The following CBFA2T2 variants were observed in gnomAD, a reference collection of about 807,000 sequenced individuals.
CBFA2T2 encodes CBFA2/RUNX1 partner transcriptional co-repressor 2.
CBFA2T2 carries 11 observed loss-of-function variants against 62.2 expected under a neutral mutation model. The ratio of observed to expected loss-of-function variants is 0.18; its 90% CI spans 0.11 to 0.29. CBFA2T2 has a LOEUF of 0.29. CBFA2T2 is among the 10% of genes least tolerant of loss of function. The probability of loss-of-function intolerance (pLI) is 1.00; values close to 1 mark genes in which losing one functional copy is unlikely to be tolerated. For missense variants in CBFA2T2, 592 were observed against 774.1 expected (o/e 0.76, Z 2.79); for synonymous variants, 295 against 287.5 (o/e 1.03, Z -0.27).
chr20:33,623,319 C>T lies in CBFA2T2; in HGVS notation c.692+23C>T, dbSNP rs201083985. On this transcript the variant is annotated intron_variant, in intron 5 of 10. Coordinates refer to ENST00000342704, the MANE Select transcript of CBFA2T2 (RefSeq NM_001032999.3). Reference sequence around the variant, plus strand: ...GAGGTGAGCAGATGAGCTTTGCTGTCCTTGCCTTCCTGGAACCGCACTGGT... The same window carrying T: ...GAGGTGAGCAGATGAGCTTTGCTGTTCTTGCCTTCCTGGAACCGCACTGGT... The T allele has an allele frequency of 3.0e-5, 49 of 1,613,286 alleles. No homozygotes were observed. In the South Asian group the frequency reaches 5.3e-4, roughly 17 times the overall value.
chr20:33,495,469 C>T (rs1452054000), intron 1 of CBFA2T2, among the ~76,000 whole-genome samples: 5 of 150,398 alleles, frequency 3.3e-5, no homozygotes, highest in South Asian at 4.2e-4. Context: ...GGGCGGATCA[C>T]GAGGTCAGGA....
intron 1 of CBFA2T2, among the ~76,000 whole-genome samples, chr20:33,567,046 G>A (rs1266934039): frequency 6.6e-6 from 1 of 152,232 alleles, no homozygotes; most frequent in Non-Finnish European, 1.5e-5. Context: ...AAAGGAATTA[G>A]TGGTGGTTGT....
At position 33,606,999 on chromosome 20, in the gene CBFA2T2, G is replaced by A. The variant is rs2015365265; in HGVS notation, c.78G>A (p.Val26=). The change falls in exon 2 of 11, where the codon GTG becomes GTA. Residue 26 remains valine (V), a synonymous_variant. Transcript: ENST00000342704. ...KRVPAMPGSP[V]EVKIQSRSSP... ...TGCCAGCGATGCCTGGATCGCCTGT[G>A]GAAGTGAAGATACAGTCCAGATCCT... is the stretch of plus-strand genomic sequence containing the variant. The A allele has an allele frequency of 6.2e-7, 1 of 1,613,748 alleles. No individual in the cohort carries two copies. The highest frequency in any genetic ancestry group is 1.7e-5 in the Admixed American group (1 of 59,970).
In CBFA2T2 at chr20:33,604,044, C is replaced by T. The variant is rs145461906; in HGVS notation, c.35-2912C>T. Among the ~76,000 whole-genome samples, 154 of 152,270 alleles carry T rather than the reference C, an allele frequency of 1.0e-3. 1 individual carries two copies. In the East Asian group the frequency reaches 0.023, roughly 23 times the overall value. ...AAGGGCATTCATGCCACCCAGCTTC[C>T]ATCAAAAATGCCACTTTACATTGTG... On this transcript the variant is annotated intron_variant, in intron 1 of 10. Transcript: ENST00000342704.
At chr20:33,619,459 C>A in intron 3 of CBFA2T2, 58 bp from the exon 4 acceptor site, 1 of 822,430 alleles carries the variant, frequency 1.2e-6, no homozygotes, top group Non-Finnish European at 1.9e-6. Context: ...AAGAGTTTGG[C>A]ACTATAAGTT....
chr20:33,498,671 C>G (rs1384343790), intron 1 of CBFA2T2, among the ~76,000 whole-genome samples: 1 of 152,070 alleles, frequency 6.6e-6, no homozygotes. Context: ...ATCGCTTGAG[C>G]CCAGGTGTTG....
intron 1 of CBFA2T2, among the ~76,000 whole-genome samples, chr20:33,491,050 T>C (rs1337069060): frequency 6.6e-6 from 1 of 152,234 alleles, no homozygotes; most frequent in Non-Finnish European, 1.5e-5. Flanking sequence ...CTAATTGTTA[T>C]TCTTACTTCC....
intron 8 of CBFA2T2, among the ~76,000 whole-genome samples, chr20:33,634,283 A>G (rs1219777862): frequency 6.6e-6 from 1 of 152,204 alleles, no homozygotes; most frequent in African/African-American, 2.4e-5. Context: ...TTAAACAAAG[A>G]AAAAGAATAC....
intron 1 of CBFA2T2, among the ~76,000 whole-genome samples, chr20:33,491,085 A>G (rs1275500314): frequency 1.3e-5 from 2 of 152,128 alleles, no homozygotes; most frequent in African/African-American, 4.8e-5. Context: ...GTATTTATCT[A>G]GTGTTCCTCC....
intron 1 of CBFA2T2, among the ~76,000 whole-genome samples, chr20:33,511,268 C>T (rs1418492498): frequency 6.6e-6 from 1 of 152,010 alleles, no homozygotes; most frequent in Admixed American, 6.6e-5. Context: ...TATGGTTTTA[C>T]GTCTAATATT....
intron 1 of CBFA2T2, among the ~76,000 whole-genome samples, chr20:33,496,044 G>A (rs1484906471): frequency 5.3e-5 from 8 of 152,192 alleles, no homozygotes; most frequent in Non-Finnish European, 1.0e-4. Context: ...TAATGATAAA[G>A]TGTTTTAAGT....
chr20:33,542,537 A>G (rs577488881), intron 1 of CBFA2T2, among the ~76,000 whole-genome samples: 37 of 152,076 alleles, frequency 2.4e-4, no homozygotes, highest in Non-Finnish European at 5.0e-4. Context: ...CAATGTATAT[A>G]TATTGTGGAC....
At chr20:33,498,686 C>T (rs2011231832) in intron 1 of CBFA2T2, among the ~76,000 whole-genome samples, 2 of 151,966 alleles carry the variant, frequency 1.3e-5, no homozygotes, top group South Asian at 4.1e-4. Flanking sequence ...GTGTTGGAAG[C>T]TGCAGTGATA....
intron 1 of CBFA2T2, among the ~76,000 whole-genome samples, chr20:33,498,280 T>C (rs1256892711): frequency 1.3e-5 from 2 of 151,174 alleles, no homozygotes; most frequent in East Asian, 3.9e-4. Context: ...GAGTTTCCCT[T>C]TTGTTGCCCA....
At chr20:33,583,505 A>G (rs1183073635) in intron 1 of CBFA2T2, among the ~76,000 whole-genome samples, 2 of 152,246 alleles carry the variant, frequency 1.3e-5, no homozygotes, top group African/African-American at 2.4e-5. Context: ...ATGTATGATG[A>G]AGTTTTGGGG....
Position 33,624,768 on chromosome 20 carries a change from G to A in CBFA2T2, c.697G>A (p.Glu233Lys). The A allele has an allele frequency of 1.2e-6, 2 of 1,614,150 alleles. No individual in the cohort carries two copies. The highest frequency in any genetic ancestry group is 2.2e-5 in the East Asian group (1 of 44,890). Reference sequence around the variant, plus strand: ...GCACTTCTGCTTCTTCTACAGGAGAGAAGAGAATAGTTTTGATAGAGACAC... The same window carrying A: ...GCACTTCTGCTTCTTCTACAGGAGAAAAGAGAATAGTTTTGATAGAGACAC... ...NGKRPSPERR[E>K]ENSFDRDTIA... Residue 233 changes from glutamate to lysine, a missense_variant, in exon 6 of 11, where the codon GAA becomes AAA. Physicochemically the swap from Glu to Lys is moderately conservative, Grantham distance 56. Transcript: ENST00000342704.
Position 33,644,781 on chromosome 20 carries a change from C to G in CBFA2T2, c.*135C>G. 1.1e-6 allele frequency: 1 copy of G among 919,258 alleles called. No individual in the cohort carries two copies. The highest frequency in any genetic ancestry group is 1.6e-6 in the Non-Finnish European group (1 of 615,946). The allele number at this position is 919,258 out of a possible 1,614,324, so 56.9% of individuals were successfully genotyped here. A position where few individuals can be genotyped will look rare whatever the true frequency, so the allele number is the denominator to read the frequency against. ...GAATTGGAGGCAGGAAGAGTCCAAG[C>G]CTGAATAATAACACCCCACAGCCTC... On this transcript the variant is annotated 3_prime_UTR_variant, in exon 11 of 11. Transcript: ENST00000342704.
intron 3 of CBFA2T2, among the ~76,000 whole-genome samples, chr20:33,618,902 G>A (rs923808213): frequency 1.3e-5 from 2 of 152,146 alleles, no homozygotes; most frequent in African/African-American, 4.8e-5. Context: ...TCTCTTCATG[G>A]GTAGTGAGAA....
chr20:33,591,179 C>CAAAAA (rs80021195), intron 1 of CBFA2T2, among the ~76,000 whole-genome samples: 1 of 82,052 alleles, frequency 1.2e-5, no homozygotes, highest in African/African-American at 7.1e-5. Context: ...AACTCCCTCT[C>CAAAAA]AAAAAAAAAA....
Sources: gnomAD v4.1 joint callset for allele counts (sites outside exome capture counted in the v4.1 genomes callset) on GRCh38, gnomAD v4.1.1 for gene constraint, MANE v1.5 for transcripts, NCBI Gene and HGNC (gene_info 2026-07-23, HGNC 2026-07-21) for gene names.